Variants in MYO5C observed in about 807,000 individuals in gnomAD.
The protein encoded by MYO5C is unconventional myosin-Vc.
Under a neutral mutation model 235.7 loss-of-function variants are expected in MYO5C, and 194 were observed. That is an observed-to-expected ratio of 0.82 (90% CI 0.73 to 0.93). The LOEUF is 0.93. Ranked by LOEUF, MYO5C falls within the 40% of genes least tolerant of loss-of-function variation. The probability of loss-of-function intolerance (pLI) is 0.00; values close to 1 mark genes in which losing one functional copy is unlikely to be tolerated. For synonymous variants in MYO5C, 707 were observed against 754.8 expected (o/e 0.94, Z 1.04); for missense variants, 2,038 against 2,127.2 (o/e 0.96, Z 0.82).
chr15:52,232,235 A>AGGAGAGAAAGAAGGAAGGAG (rs756408236), intron 24 of MYO5C, among the ~76,000 whole-genome samples: 2 of 15,146 alleles, frequency 1.3e-4, no homozygotes, highest in African/African-American at 2.5e-4. Context: ...AGAAAGAAGA[A>AGGAGAGAAAGAAGGAAGGAG]AGAAAGAAGG....
At chr15:52,214,456 T>C in intron 33 of MYO5C, 147 bp downstream of exon 33, 2 of 550,088 alleles carry the variant, frequency 3.6e-6, no homozygotes, top group Non-Finnish European at 6.1e-6. Context: ...AAAGGATCCT[T>C]TCGTTAGCCC....
Position 52,264,302 on chromosome 15 carries a change from A to G in MYO5C, c.941-6T>C, listed in dbSNP as rs1288994633. The stretch of plus-strand genomic sequence containing the variant: ...CTGAAAATCCTCCTTGAAACCTAAA[A>G]ACAAACATTTTCCCAGATTAGAATA... On this transcript the variant is annotated splice_region_variant and splice_polypyrimidine_tract_variant and intron_variant, in intron 8 of 40. Coordinates refer to ENST00000261839, the MANE Select transcript of MYO5C (RefSeq NM_018728.4). The G allele has an allele frequency of 2.5e-6, 4 of 1,608,030 alleles. No individual in the cohort carries two copies. The highest frequency in any genetic ancestry group is 2.7e-5 in the African/African-American group (2 of 74,800).
At chr15:52,214,553 G>A (rs758284240) in intron 33 of MYO5C, 50 bp downstream of exon 33, 58 of 1,263,606 alleles carry the variant, frequency 4.6e-5, no homozygotes, top group African/African-American at 2.1e-4. Context: ...ACACTTGAGC[G>A]CATGTTAGCC....
intron 29 of MYO5C, among the ~76,000 whole-genome samples, chr15:52,221,475 A>G (rs2035684833): frequency 6.6e-6 from 1 of 152,176 alleles, no homozygotes; most frequent in Non-Finnish European, 1.5e-5. Context: ...CAGTTCTCAC[A>G]CAGCTACGAC....
Position 52,247,544 on chromosome 15 carries a change from G to A in MYO5C, c.1795C>T (p.Pro599Ser). The change falls in exon 15 of 41, where the codon CCT (proline) becomes TCT (serine). Residue 599 changes from proline (P) to serine (S), a missense_variant. Coordinates refer to ENST00000261839, the MANE Select transcript of MYO5C (RefSeq NM_018728.4). ...TTAACTGTAATCATTGAACCAAAAG[G>A]AGAAGGAGGAGTTGGATTTTCTTGA... is the stretch of plus-strand genomic sequence containing the variant. ...FFQENPTPPS[P>S]FGSMITVKSA... The A allele has an allele frequency of 6.2e-7, 1 of 1,614,208 alleles. No individual in the cohort carries two copies.
chr15:52,205,006 G>T lies in MYO5C; in HGVS notation c.4679C>A (p.Thr1560Asn). ...SVLQQLSYFY[T>N]TMCQNGLDPE... ...GTCCAGGCCGTTCTGGCACATGGTG[G>T]TGTAAAAGTAGCTCAGCTGTTGCAG... is the stretch of plus-strand genomic sequence containing the variant. The change falls in exon 38 of 41, where the codon ACC (threonine) becomes AAC (asparagine). Residue 1560 changes from threonine to asparagine, a missense_variant. By Grantham distance (65) the Thr-to-Asn change is moderately conservative (BLOSUM62 0). Transcript: ENST00000261839. 1 of 1,614,244 alleles carries T rather than the reference G, an allele frequency of 6.2e-7. No individual in the cohort carries two copies. The highest frequency in any genetic ancestry group is 8.5e-7 in the Non-Finnish European group (1 of 1,180,044).
chr15:52,255,045 T>G (rs1025542909), intron 11 of MYO5C, among the ~76,000 whole-genome samples: 8 of 152,094 alleles, frequency 5.3e-5, no homozygotes, highest in African/African-American at 1.9e-4. Flanking sequence ...TGAGTAGGAT[T>G]CAATGTTAGG....
At chr15:52,258,023 C>T (rs2036618471) in intron 10 of MYO5C, among the ~76,000 whole-genome samples, 1 of 152,194 alleles carries the variant, frequency 6.6e-6, no homozygotes, top group African/African-American at 2.4e-5. Flanking sequence ...GGAAGCAAGG[C>T]CAGGGCTGGG....
At chr15:52,255,790 T>G (rs1436007535) in intron 11 of MYO5C, among the ~76,000 whole-genome samples, 1 of 152,178 alleles carries the variant, frequency 6.6e-6, no homozygotes, top group East Asian at 1.9e-4. Flanking sequence ...TTAAATTGTT[T>G]TATTCATCTT....
At chr15:52,241,982 C>T in intron 20 of MYO5C, 66 bp downstream of exon 20, 1 of 1,493,370 alleles carries the variant, frequency 6.7e-7, no homozygotes, top group Non-Finnish European at 9.0e-7. Flanking sequence ...TTCCCTGGGC[C>T]CTGTTTTGTT....
intron 38 of MYO5C, among the ~76,000 whole-genome samples, chr15:52,204,518 T>C (rs191046294): frequency 2.0e-5 from 3 of 152,222 alleles, no homozygotes; most frequent in Admixed American, 2.0e-4. Context: ...TATCGACTTT[T>C]CCTTGTTTCC....
chr15:52,204,040 CTATAT>C, intron 38 of MYO5C, among the ~76,000 whole-genome samples: 1 of 152,166 alleles, frequency 6.6e-6, no homozygotes, highest in South Asian at 2.1e-4. Flanking sequence ...CGTAAATATC[CTATAT>C]TATGTGTTTT....
At chr15:52,271,462 C>T (rs2036923896) in intron 7 of MYO5C, among the ~76,000 whole-genome samples, 1 of 152,118 alleles carries the variant, frequency 6.6e-6, no homozygotes, top group South Asian at 2.1e-4. Flanking sequence ...CTCCTGACCT[C>T]AGGTGATCCA....
Position 52,247,534 on chromosome 15 carries a change from G to T in MYO5C, c.1805C>A (p.Ser602Ter). Reference sequence around the variant, plus strand: ...CTTTGCAGATTTAACTGTAATCATTGAACCAAAAGGAGAAGGAGGAGTTGG... The same window carrying T: ...CTTTGCAGATTTAACTGTAATCATTTAACCAAAAGGAGAAGGAGGAGTTGG... ...ENPTPPSPFG[S>*]MITVKSAKQV... The change falls in exon 15 of 41, where the codon TCA becomes TAA. Residue 602 changes from serine (S) to a stop codon, truncating the protein, a stop_gained. Coordinates refer to ENST00000261839, the MANE Select transcript of MYO5C (RefSeq NM_018728.4). LOFTEE classifies it high-confidence loss of function. 6.2e-7 allele frequency: 1 copy of T among 1,614,128 alleles called. No individual in the cohort carries two copies. Among genetic ancestry groups the T allele is most frequent in the South Asian group, 1.1e-5 (1 of 91,082 alleles).
chr15:52,193,874 A>C lies in MYO5C; in HGVS notation c.*28T>G. 1 of 1,593,910 alleles carries C rather than the reference A, an allele frequency of 6.3e-7. No individual in the cohort carries two copies. Among genetic ancestry groups the C allele is most frequent in the Non-Finnish European group, 8.5e-7 (1 of 1,174,156 alleles). On this transcript the variant is annotated 3_prime_UTR_variant, in exon 41 of 41. Coordinates refer to ENST00000261839, the MANE Select transcript of MYO5C (RefSeq NM_018728.4). The stretch of plus-strand genomic sequence containing the variant: ...TATTGAACCTTCACTTAGCTTTTGA[A>C]GAAAAAGTGCATTGACTTTTTCTCC...
chr15:52,247,387 T>C (rs2141328562), intron 15 of MYO5C, 71 bp downstream of exon 15: 1 of 1,549,918 alleles, frequency 6.5e-7, no homozygotes, highest in African/African-American at 1.4e-5. Context: ...ATGCGGGTCC[T>C]CTGAGTGCCC....
At position 52,247,601 on chromosome 15, in the gene MYO5C, A is replaced by C; in HGVS notation, c.1747-9T>G. 1 of 1,613,830 alleles carries C rather than the reference A, an allele frequency of 6.2e-7. No homozygotes were observed. The highest frequency in any genetic ancestry group is 8.5e-7 in the Non-Finnish European group (1 of 1,179,882). ...TTGGCACAGAGATGAAACTGGAAGG[A>C]ACAGAGAGGATCTCAATGTCCAAAA... On this transcript the variant is annotated splice_polypyrimidine_tract_variant and intron_variant, in intron 14 of 40. Transcript: ENST00000261839.
chr15:52,233,548 G>T (rs957495890), intron 23 of MYO5C, among the ~76,000 whole-genome samples: 3 of 152,180 alleles, frequency 2.0e-5, no homozygotes, highest in Admixed American at 1.3e-4. Context: ...AAATGTCTGG[G>T]GGGTGAGGTG....
At chr15:52,240,959 T>C (rs1475540746) in intron 20 of MYO5C, among the ~76,000 whole-genome samples, 1 of 152,162 alleles carries the variant, frequency 6.6e-6, no homozygotes, top group Non-Finnish European at 1.5e-5. Context: ...GCACCCCTTA[T>C]GTTGAAGTGA....
Sources: gnomAD v4.1 joint callset for allele counts (sites outside exome capture counted in the v4.1 genomes callset) on GRCh38, gnomAD v4.1.1 for gene constraint, MANE v1.5 for transcripts, NCBI Gene and HGNC (gene_info 2026-07-23, HGNC 2026-07-21) for gene names.